The following SPRY1 variants were observed in gnomAD, a reference collection of about 807,000 sequenced individuals.
The protein encoded by SPRY1 is sprouty RTK signaling antagonist 1, also known as protein sprouty homolog 1.
SPRY1 carries 20 observed loss-of-function variants against 22.6 expected under a neutral mutation model. That is an observed-to-expected ratio of 0.89 (90% CI 0.62 to 1.29). The LOEUF (loss-of-function observed/expected upper bound fraction) is 1.29. Ranked by LOEUF, SPRY1 falls within the 50% of genes most tolerant of loss-of-function variation. SPRY1 has a pLI of 0.00. For synonymous variants in SPRY1, 155 were observed against 144.7 expected (o/e 1.07, Z -0.51); for missense variants, 446 against 387.7 (o/e 1.15, Z -1.26).
At chr4:123,401,288 A>G (rs1049884618) in intron 2 of SPRY1, among the ~76,000 whole-genome samples, 2 of 152,194 alleles carry the variant, frequency 1.3e-5, no homozygotes, top group Non-Finnish European at 2.9e-5. Context: ...TCTGCTTCTT[A>G]AAAGTTGGAA....
Position 123,402,283 on chromosome 4 carries a change from A to G in SPRY1, c.692A>G (p.His231Arg). The change falls in exon 3 of 3, where the codon CAC (histidine) becomes CGC (arginine). Residue 231 changes from histidine (H) to arginine (R), a missense_variant. By Grantham distance (29) the His-to-Arg change is conservative. Coordinates refer to ENST00000651917, the MANE Select transcript of SPRY1 (RefSeq NM_001258038.2). ...TGCTTAGTCAAGGGCATCTTCTACCACTGCTCCAATGACGACGAAGGGGAT... is the reference window on the plus strand; with the variant it reads ...TGCTTAGTCAAGGGCATCTTCTACCGCTGCTCCAATGACGACGAAGGGGAT... ...CMCLVKGIFY[H>R]CSNDDEGDSY... 1 of 1,614,208 alleles carries G rather than the reference A, an allele frequency of 6.2e-7. No homozygotes were observed. Among genetic ancestry groups the G allele is most frequent in the Non-Finnish European group, 8.5e-7 (1 of 1,180,022 alleles).
In SPRY1 at chr4:123,401,022, A is replaced by AT. The variant is rs1444571481; in HGVS notation, c.-55-509dup. 5.3e-5 allele frequency among the ~76,000 whole-genome samples: 8 copies of AT among 152,166 alleles called. No homozygotes were observed. In the South Asian group the frequency reaches 1.0e-3, roughly 20 times the overall value. ...TTGCGATTTCATTTTAAGAGTCTCA[A>AT]TTTTTTAATGCCTTAATTTTTTTCA... On this transcript the variant is annotated intron_variant, in intron 2 of 2. Coordinates refer to ENST00000651917, the MANE Select transcript of SPRY1 (RefSeq NM_001258038.2).
In SPRY1 at chr4:123,401,978, C is replaced by T. The variant is rs374888752; in HGVS notation, c.387C>T (p.Ala129=). Residue 129 remains alanine, a synonymous_variant, in exon 3 of 3, where the codon GCC becomes GCT. Coordinates refer to ENST00000651917, the MANE Select transcript of SPRY1 (RefSeq NM_001258038.2). ...CCAGCTCTGGGAGCAACAGCAGTGC[C>T]TCTTCTGAACAGGGACTGTTAGGAA... ...SAASSGSNSS[A]SSEQGLLGRS... is the part of the protein sequence containing the mutation. 31 of 1,614,084 alleles carry T rather than the reference C, an allele frequency of 1.9e-5. No homozygotes were observed. Among genetic ancestry groups the T allele is most frequent in the Non-Finnish European group, 2.2e-5 (26 of 1,180,038 alleles).
chr4:123,402,905 G>T lies in SPRY1; in HGVS notation c.*354G>T. 1 of 439,836 alleles carries T rather than the reference G, an allele frequency of 2.3e-6. No individual in the cohort carries two copies. The highest frequency in any genetic ancestry group is 4.1e-6 in the Non-Finnish European group (1 of 240,992). The allele number at this position is 439,836 out of a possible 1,614,324, so 27.2% of individuals were successfully genotyped here. On this transcript the variant is annotated 3_prime_UTR_variant, in exon 3 of 3. Coordinates refer to ENST00000651917, the MANE Select transcript of SPRY1 (RefSeq NM_001258038.2). ...GACTACAGTGATTTAGAGTTGTTTTGATTGGGTACCGTGGGAGCAGGGAAA... is the reference window on the plus strand; with the variant it reads ...GACTACAGTGATTTAGAGTTGTTTTTATTGGGTACCGTGGGAGCAGGGAAA...
chr4:123,401,971 G>GC lies in SPRY1; in HGVS notation c.381dup (p.Ser128GlnfsTer5). 1 of 1,614,174 alleles carries GC rather than the reference G, an allele frequency of 6.2e-7. No homozygotes were observed. The highest frequency in any genetic ancestry group is 8.5e-7 in the Non-Finnish European group (1 of 1,180,042). Reference sequence around the variant, plus strand: ...AGTGCAGCCAGCTCTGGGAGCAACAGCAGTGCCTCTTCTGAACAGGGACTG... The same window carrying GC: ...AGTGCAGCCAGCTCTGGGAGCAACAGCCAGTGCCTCTTCTGAACAGGGACTG... On this transcript the variant is annotated frameshift_variant, in exon 3 of 3. Transcript: ENST00000651917. LOFTEE classifies it high-confidence loss of function.
Position 123,401,897 on chromosome 4 carries a change from C to T in SPRY1, c.306C>T (p.Leu102=). 6.2e-7 allele frequency: 1 copy of T among 1,614,180 alleles called. No individual in the cohort carries two copies. The highest frequency in any genetic ancestry group is 8.5e-7 in the Non-Finnish European group (1 of 1,180,042). ...CAAGCCACCTGGGACATGCAGTACT[C>T]CCAAGTAATGCCAGGGGCCCCATTT... ...RHTSHLGHAV[L]PSNARGPILS... Residue 102 remains leucine, a synonymous_variant, in exon 3 of 3, where the codon CTC becomes CTT. Coordinates refer to ENST00000651917, the MANE Select transcript of SPRY1 (RefSeq NM_001258038.2).
chr4:123,398,657 C>T (rs1380054116), intron 2 of SPRY1: 1 of 152,036 alleles, frequency 6.6e-6, no homozygotes, highest in Non-Finnish European at 1.5e-5. Context: ...GACGACCTCG[C>T]TCGGCGCGGC....
intron 2 of SPRY1, among the ~76,000 whole-genome samples, chr4:123,400,784 C>T (rs1180815213): frequency 2.0e-5 from 3 of 152,020 alleles, no homozygotes; most frequent in Admixed American, 1.3e-4. Context: ...GTGAGTGAGC[C>T]CTTCAGCTTA....
chr4:123,401,435 A>T, intron 2 of SPRY1, 102 bp from the exon 3 acceptor site: 4 of 992,016 alleles, frequency 4.0e-6, no homozygotes, highest in Non-Finnish European at 5.9e-6. Flanking sequence ...GGTCATTACT[A>T]GGCGGTTTAG....
rs1355491223 is a variant in SPRY1, at chr4:123,402,735, C to A, written c.*184C>A. On this transcript the variant is annotated 3_prime_UTR_variant, in exon 3 of 3. Transcript: ENST00000651917. ...ATGGATGATCTTCAGCAAGAGTGGA[C>A]TGGGAAGCTGCACCTGGCTCCCACT... 7 of 771,534 alleles carry A rather than the reference C, an allele frequency of 9.1e-6. No individual in the cohort carries two copies. The highest frequency in any genetic ancestry group is 6.3e-5 in the Admixed American group (2 of 31,914). 47.8% of individuals were successfully genotyped at this position (771,534 alleles called of 1,614,324 possible).
At position 123,397,845 on chromosome 4, in the gene SPRY1, AAAAAG is replaced by A; in HGVS notation, c.-61_-57del. ...ACTCCTCCCCGCTAAAAAAAAAAAA[AAAAAG>A]AAAAGGGTAAAAAAATCCCCCTCCC... is the stretch of plus-strand genomic sequence containing the variant. On this transcript the variant is annotated 5_prime_UTR_variant, in exon 2 of 3. Transcript: ENST00000651917. 6.6e-6 allele frequency: 1 copy of A among 151,098 alleles called. No individual in the cohort carries two copies. Among genetic ancestry groups the A allele is most frequent in the Non-Finnish European group, 1.5e-5 (1 of 67,796 alleles). The allele number at this position is 151,098 out of a possible 1,614,324, so 9.4% of individuals were successfully genotyped here.
Position 123,403,703 on chromosome 4 carries a change from CGAA to C in SPRY1, c.*1156_*1158del, listed in dbSNP as rs1168533914. ...ATACTTAACGGAAAATAAGGTGACA[CGAA>C]GAAAGTACATATGTTAACTATAATG... On this transcript the variant is annotated 3_prime_UTR_variant, in exon 3 of 3. Coordinates refer to ENST00000651917, the MANE Select transcript of SPRY1 (RefSeq NM_001258038.2). 1 of 166,874 alleles carries C rather than the reference CGAA, an allele frequency of 6.0e-6. No individual in the cohort carries two copies. Among genetic ancestry groups the C allele is most frequent in the Non-Finnish European group, 1.5e-5 (1 of 68,088 alleles). The allele number at this position is 166,874 out of a possible 1,614,324, so 10.3% of individuals were successfully genotyped here. A position where few individuals can be genotyped will look rare whatever the true frequency, so the allele number is the denominator to read the frequency against.
rs180866016 is a variant in SPRY1, at chr4:123,402,022, C to T, written c.431C>T (p.Pro144Leu). The T allele has an allele frequency of 1.1e-5, 17 of 1,614,038 alleles. No individual in the cohort carries two copies. The highest frequency in any genetic ancestry group is 4.5e-5 in the East Asian group (2 of 44,888). Residue 144 changes from proline (P) to leucine (L), a missense_variant, in exon 3 of 3, where the codon CCA becomes CTA. Physicochemically the swap from Pro to Leu is moderately conservative, Grantham distance 98. Transcript: ENST00000651917. ...TTAGGAAGGTCACCACCAACCAGAC[C>T]AGTCCCTGGTCATAGGTCTGAAAGG... ...GLLGRSPPTR[P>L]VPGHRSERAI... is the part of the protein sequence containing the mutation.
chr4:123,402,762 T>A lies in SPRY1; in HGVS notation c.*211T>A. 1.6e-6 allele frequency: 1 copy of A among 636,330 alleles called. No homozygotes were observed. Among genetic ancestry groups the A allele is most frequent in the Admixed American group, 3.2e-5 (1 of 30,936 alleles). The allele number at this position is 636,330 out of a possible 1,614,324, so 39.4% of individuals were successfully genotyped here. Reference sequence around the variant, plus strand: ...GGGAAGCTGCACCTGGCTCCCACTTTCAACAAGAGCCTCTGCCATCCACTT... The same window carrying A: ...GGGAAGCTGCACCTGGCTCCCACTTACAACAAGAGCCTCTGCCATCCACTT... On this transcript the variant is annotated 3_prime_UTR_variant, in exon 3 of 3. Transcript: ENST00000651917.
chr4:123,401,470 C>G, intron 2 of SPRY1, 67 bp from the exon 3 acceptor site: 68 of 1,159,874 alleles, frequency 5.9e-5, no homozygotes, highest in East Asian at 1.4e-4. Flanking sequence ...GACAGGATTC[C>G]CCCCCCCCAA....
intron 2 of SPRY1, among the ~76,000 whole-genome samples, chr4:123,400,944 GAAT>G (rs1009744425): frequency 4.6e-5 from 7 of 152,090 alleles, no homozygotes; most frequent in East Asian, 1.9e-4. Flanking sequence ...TCTCATAGAT[GAAT>G]AATAAGGTAG....
rs1420113716 is a variant in SPRY1, at chr4:123,403,351, T to C, written c.*800T>C. 1 of 167,116 alleles carries C rather than the reference T, an allele frequency of 6.0e-6. No individual in the cohort carries two copies. The highest frequency in any genetic ancestry group is 2.4e-5 in the African/African-American group (1 of 41,462). The allele number at this position is 167,116 out of a possible 1,614,324, so 10.4% of individuals were successfully genotyped here. A position where few individuals can be genotyped will look rare whatever the true frequency, so the allele number is the denominator to read the frequency against. On this transcript the variant is annotated 3_prime_UTR_variant, in exon 3 of 3. Transcript: ENST00000651917. Reference sequence around the variant, plus strand: ...GGCACTTGGATAACTCAAGTTGATATTTATAGCTGATCAATCTATATGTGT... The same window carrying C: ...GGCACTTGGATAACTCAAGTTGATACTTATAGCTGATCAATCTATATGTGT...
In SPRY1 at chr4:123,396,859, C is replaced by T. The variant is rs924166706; in HGVS notation, c.-375C>T. Reference sequence around the variant, plus strand: ...TTGCAGAGTGATTATCAGCACAGTTCCCTGCCCTGGATAAGGAACAGCTAC... The same window carrying T: ...TTGCAGAGTGATTATCAGCACAGTTTCCTGCCCTGGATAAGGAACAGCTAC... On this transcript the variant is annotated 5_prime_UTR_variant, in exon 1 of 3. Coordinates refer to ENST00000651917, the MANE Select transcript of SPRY1 (RefSeq NM_001258038.2). 2.6e-5 allele frequency: 4 copies of T among 152,210 alleles called. No homozygotes were observed. Among genetic ancestry groups the T allele is most frequent in the Non-Finnish European group, 5.9e-5 (4 of 68,046 alleles). 9.4% of individuals were successfully genotyped at this position (152,210 alleles called of 1,614,324 possible).
chr4:123,400,481 C>T (rs1348102024), intron 2 of SPRY1: 2 of 152,190 alleles, frequency 1.3e-5, no homozygotes, highest in Non-Finnish European at 2.9e-5. Flanking sequence ...CTCTAGTTCA[C>T]CACTGAAAGC....
Sources: gnomAD v4.1 joint callset for allele counts (sites outside exome capture counted in the v4.1 genomes callset) on GRCh38, gnomAD v4.1.1 for gene constraint, MANE v1.5 for transcripts, NCBI Gene and HGNC (gene_info 2026-07-23, HGNC 2026-07-21) for gene names.